Variants in CARMIL1 observed in about 807,000 individuals in gnomAD.
CARMIL1 encodes F-actin-uncapping protein LRRC16A.
In CARMIL1, 90 loss-of-function variants were observed where a neutral mutation model predicts 177.1. That is an observed-to-expected ratio of 0.51 (90% CI 0.43 to 0.61). CARMIL1 has a LOEUF of 0.61. Among genes scored for constraint, CARMIL1 ranks in the 20% least tolerant of loss-of-function variants. The pLI, the probability that CARMIL1 is intolerant of heterozygous loss-of-function variation, is 0.00. For missense variants in CARMIL1, 1,380 were observed against 1,667.0 expected, an observed-to-expected ratio of 0.83 and a Z score of 3.00; for synonymous variants, 577 against 606.2, an observed-to-expected ratio of 0.95 and a Z score of 0.71.
intron 5 of CARMIL1, among the ~76,000 whole-genome samples, chr6:25,447,841 G>C (rs969354044): frequency 3.3e-5 from 5 of 151,924 alleles, no homozygotes; most frequent in African/African-American, 4.8e-5. Context: ...CCCCCATCCT[G>C]CCTTCCTGTC....
chr6:25,594,145 C>G (rs1255618937), intron 31 of CARMIL1, among the ~76,000 whole-genome samples: 1 of 152,176 alleles, frequency 6.6e-6, no homozygotes, highest in Non-Finnish European at 1.5e-5. Flanking sequence ...AAACACTCGA[C>G]TCGTCCTATC....
chr6:25,407,414 C>T (rs991998023), intron 2 of CARMIL1, among the ~76,000 whole-genome samples: 1 of 151,728 alleles, frequency 6.6e-6, no homozygotes, highest in South Asian at 2.1e-4. Flanking sequence ...CATTTATCTC[C>T]AGCACTTCAG....
At chr6:25,507,976 A>G (rs1378569765) in intron 17 of CARMIL1, among the ~76,000 whole-genome samples, 2 of 152,172 alleles carry the variant, frequency 1.3e-5, no homozygotes, top group African/African-American at 4.8e-5. Flanking sequence ...TTTATAAAAT[A>G]TAATACGAAT....
At position 25,279,786 on chromosome 6, in the gene CARMIL1, C is replaced by T; in HGVS notation, c.-10C>T. ...GGACCTGCAATAACCCCCACACCTA[C>T]AGGGCAACCATGACCGAGGAGAGCT... On this transcript the variant is annotated 5_prime_UTR_variant, in exon 1 of 37. Coordinates refer to ENST00000329474, the MANE Select transcript of CARMIL1 (RefSeq NM_017640.6). The T allele has an allele frequency of 1.9e-6, 3 of 1,613,872 alleles. No individual in the cohort carries two copies. Among genetic ancestry groups the T allele is most frequent in the Non-Finnish European group, 2.5e-6 (3 of 1,179,756 alleles).
intron 33 of CARMIL1, among the ~76,000 whole-genome samples, chr6:25,601,422 G>A (rs1266091904): frequency 2.0e-5 from 3 of 152,154 alleles, no homozygotes; most frequent in African/African-American, 4.8e-5. Flanking sequence ...AAAGACAGTC[G>A]GCTGAATCCA....
chr6:25,529,656 T>A (rs2151100615), intron 24 of CARMIL1, among the ~76,000 whole-genome samples: 1 of 91,580 alleles, frequency 1.1e-5, no homozygotes, highest in South Asian at 3.8e-4. Flanking sequence ...AATAGGCTGC[T>A]AGAATGGCGT....
At chr6:25,534,132 T>TA (rs1808048781) in intron 24 of CARMIL1, among the ~76,000 whole-genome samples, 1 of 152,030 alleles carries the variant, frequency 6.6e-6, no homozygotes, top group African/African-American at 2.4e-5. Context: ...TTTTTTTTTT[T>TA]AACAAGAACT....
At chr6:25,470,040 T>G (rs114343309) in intron 9 of CARMIL1, among the ~76,000 whole-genome samples, 2,482 of 152,334 alleles carry the variant, frequency 0.016, 60 homozygotes, top group African/African-American at 0.044. Flanking sequence ...TTTTAATTGT[T>G]GTAATCTTGT....
In CARMIL1 at chr6:25,540,052, A is replaced by C; in HGVS notation, c.2302A>C (p.Thr768Pro). ...ETLESMAGEV[T>P]RVVDEQLKAL... ...CCTGGAATCAATGGCTGGAGAAGTT[A>C]CAAGAGTAGTAGATGAACAACTAAA... is the stretch of plus-strand genomic sequence containing the variant. Residue 768 changes from threonine (T) to proline (P), a missense_variant, in exon 26 of 37, where the codon ACA becomes CCA. Physicochemically the swap from Thr to Pro is conservative, Grantham distance 38 (BLOSUM62 -1). Coordinates refer to ENST00000329474, the MANE Select transcript of CARMIL1 (RefSeq NM_017640.6). 1.2e-6 allele frequency: 2 copies of C among 1,609,068 alleles called. No individual in the cohort carries two copies. Among genetic ancestry groups the C allele is most frequent in the Non-Finnish European group, 1.7e-6 (2 of 1,178,340 alleles).
chr6:25,457,885 C>G (rs1325308484), intron 8 of CARMIL1, among the ~76,000 whole-genome samples: 1 of 152,140 alleles, frequency 6.6e-6, no homozygotes, highest in Non-Finnish European at 1.5e-5. Context: ...TCTCACATTG[C>G]AGGTTGTAGG....
intron 27 of CARMIL1, 110 bp downstream of exon 27, chr6:25,551,195 A>G (rs1810070526): frequency 1.3e-6 from 1 of 745,648 alleles, no homozygotes; most frequent in Admixed American, 2.7e-5. Context: ...GTGTTTAGGC[A>G]TGTTTAATAG....
chr6:25,378,411 C>T (rs1326203128), intron 2 of CARMIL1, among the ~76,000 whole-genome samples: 3 of 152,330 alleles, frequency 2.0e-5, no homozygotes, highest in East Asian at 3.9e-4. Flanking sequence ...CCACTTGCCC[C>T]TCAGTTCTGG....
chr6:25,290,869 C>G (rs1781903610), intron 2 of CARMIL1, among the ~76,000 whole-genome samples: 1 of 152,224 alleles, frequency 6.6e-6, no homozygotes, highest in Non-Finnish European at 1.5e-5. Flanking sequence ...ACGAGCCTTG[C>G]TCAAGTGATT....
At chr6:25,411,871 A>C (rs1209532133) in intron 2 of CARMIL1, among the ~76,000 whole-genome samples, 1 of 152,154 alleles carries the variant, frequency 6.6e-6, no homozygotes, top group Non-Finnish European at 1.5e-5. Flanking sequence ...GCAAATATTT[A>C]CCGGGGGCTT....
At chr6:25,335,005 G>T (rs1433437319) in intron 2 of CARMIL1, among the ~76,000 whole-genome samples, 3 of 152,172 alleles carry the variant, frequency 2.0e-5, no homozygotes, top group Non-Finnish European at 4.4e-5. Context: ...TCTTTACAAA[G>T]GTTTCTATAT....
intron 24 of CARMIL1, among the ~76,000 whole-genome samples, chr6:25,534,527 T>A (rs6902449): frequency 0.028 from 4,254 of 151,978 alleles, 77 homozygotes; most frequent in South Asian, 0.1. Context: ...AAAAAAAAAA[T>A]AAAAGTTATT....
chr6:25,469,436 G>A (rs1800905154), intron 9 of CARMIL1, among the ~76,000 whole-genome samples: 2 of 152,056 alleles, frequency 1.3e-5, no homozygotes, highest in South Asian at 4.2e-4. Flanking sequence ...TATATGCTGT[G>A]GCACATAGAA....
intron 31 of CARMIL1, among the ~76,000 whole-genome samples, chr6:25,581,681 C>T (rs896516254): frequency 1.3e-5 from 2 of 152,122 alleles, no homozygotes; most frequent in East Asian, 1.9e-4. Flanking sequence ...GTAAAATTTC[C>T]GATTCTTCAG....
chr6:25,581,525 C>T, intron 31 of CARMIL1, 86 bp downstream of exon 31: 1 of 1,236,390 alleles, frequency 8.1e-7, no homozygotes, highest in East Asian at 2.6e-5. Flanking sequence ...AAGTGCTTTG[C>T]ACAAACATGA....
Sources: allele counts gnomAD v4.1 joint callset (sites outside exome capture counted in the v4.1 genomes callset), GRCh38; gene constraint gnomAD v4.1.1; transcripts MANE v1.5; gene names NCBI Gene and HGNC (gene_info 2026-07-23, HGNC 2026-07-21).